AKAP13: variants seen among roughly 807,000 people sequenced by gnomAD.
AKAP13 encodes the protein A-kinase anchor protein 13.
Under a neutral mutation model 264.5 loss-of-function variants are expected in AKAP13, and 80 were observed. That is an observed-to-expected ratio of 0.30 (90% CI 0.25 to 0.36). The LOEUF is 0.36. Ranked by LOEUF, AKAP13 falls within the 10% of genes least tolerant of loss-of-function variation. The probability of loss-of-function intolerance (pLI) is 1.00; values close to 1 mark genes in which losing one functional copy is unlikely to be tolerated. For synonymous variants in AKAP13, 1,380 were observed against 1,250.2 expected, an observed-to-expected ratio of 1.10 and a Z score of -2.19; for missense variants, 3,712 against 3,435.2, an observed-to-expected ratio of 1.08 and a Z score of -2.01.
intron 1 of AKAP13, among the ~76,000 whole-genome samples, chr15:85,450,693 A>G (rs1317090385): frequency 1.3e-5 from 2 of 151,524 alleles, no homozygotes; most frequent in Non-Finnish European, 2.9e-5. Context: ...GTTGACTCCT[A>G]TTTTCATTGC....
At chr15:85,429,781 C>T (rs1304908654) in intron 1 of AKAP13, among the ~76,000 whole-genome samples, 3 of 152,120 alleles carry the variant, frequency 2.0e-5, no homozygotes, top group African/African-American at 2.4e-5. Context: ...TGTAGGGTGG[C>T]GCAGGAATCT....
intron 1 of AKAP13, among the ~76,000 whole-genome samples, chr15:85,476,617 C>G (rs2075172583): frequency 6.6e-6 from 1 of 152,170 alleles, no homozygotes. Flanking sequence ...AGTTAAGTAA[C>G]TTGTCCAAGG....
rs143346368 is a variant in AKAP13, at chr15:85,382,718, C to T, written c.-12+1920C>T. ...CATACTATACTATAAATGGACTCCT[C>T]CTCTAGTCCTTTAACTCCTTGAGGG... On this transcript the variant is annotated intron_variant, in intron 1 of 36. Coordinates refer to ENST00000394518, the MANE Select transcript of AKAP13 (RefSeq NM_007200.5). Among the ~76,000 whole-genome samples the T allele has an allele frequency of 2.0e-5, 3 of 152,306 alleles. No individual in the cohort carries two copies. The East Asian group carries it at 5.8e-4, about 29-fold the overall frequency.
At chr15:85,553,428 A>G (rs1415163498) in intron 5 of AKAP13, among the ~76,000 whole-genome samples, 1 of 152,178 alleles carries the variant, frequency 6.6e-6, no homozygotes, top group East Asian at 1.9e-4. Context: ...TTTAATAAAT[A>G]TTTGTTGGCT....
intron 8 of AKAP13, among the ~76,000 whole-genome samples, chr15:85,631,578 G>A (rs1431791098): frequency 6.6e-6 from 1 of 151,052 alleles, no homozygotes; most frequent in Non-Finnish European, 1.5e-5. Context: ...TGATTTGGAT[G>A]GGATCCTGGA....
At chr15:85,703,860 A>ATC (rs1567204290) in intron 17 of AKAP13, among the ~76,000 whole-genome samples, 1 of 148,150 alleles carries the variant, frequency 6.7e-6, no homozygotes, top group African/African-American at 2.5e-5. Context: ...AAAAATATAT[A>ATC]TATATATATA....
At position 85,674,391 on chromosome 15, in the gene AKAP13, G is replaced by A. The variant is rs143140274; in HGVS notation, c.5101+4561G>A. On this transcript the variant is annotated intron_variant, in intron 14 of 36. Coordinates refer to ENST00000394518, the MANE Select transcript of AKAP13 (RefSeq NM_007200.5). ...AAACAAATGAATTTCATGTTCAGAT[G>A]TGGTTCCCTTCCCCAAGATGTCTCA... Among the ~76,000 whole-genome samples, 941 of 152,260 alleles carry A rather than the reference G, an allele frequency of 6.2e-3. 10 individuals are homozygous for A. Among genetic ancestry groups the A allele is most frequent in the African/African-American group, 0.021 (884 of 41,542 alleles).
At chr15:85,418,939 T>C (rs545279404) in intron 1 of AKAP13, among the ~76,000 whole-genome samples, 1 of 152,348 alleles carries the variant, frequency 6.6e-6, no homozygotes, top group African/African-American at 2.4e-5. Context: ...AGTCTGCTTA[T>C]AGTACCTGCT....
intron 36 of AKAP13, chr15:85,744,038 A>C (rs2089258979): frequency 5.2e-6 from 3 of 579,376 alleles, no homozygotes; most frequent in South Asian, 2.4e-5. Context: ...AGAAGCAGAG[A>C]GCATGGGTTT....
chr15:85,721,418 A>G (rs1022657338), intron 23 of AKAP13, among the ~76,000 whole-genome samples: 1 of 152,186 alleles, frequency 6.6e-6, no homozygotes. Context: ...GTATTTTATG[A>G]ACTGCATACA....
chr15:85,451,975 C>T (rs1567064110), intron 1 of AKAP13, among the ~76,000 whole-genome samples: 1 of 151,666 alleles, frequency 6.6e-6, no homozygotes, highest in African/African-American at 2.4e-5. Context: ...AAGTTGTTGG[C>T]GTTCTCCCCT....
intron 8 of AKAP13, among the ~76,000 whole-genome samples, chr15:85,594,046 T>C (rs543907964): frequency 2.0e-5 from 3 of 152,348 alleles, no homozygotes; most frequent in South Asian, 2.1e-4. Context: ...GCAATAGATA[T>C]AATTCTAATC....
intron 1 of AKAP13, among the ~76,000 whole-genome samples, chr15:85,441,704 G>A (rs2073659808): frequency 6.6e-6 from 1 of 151,744 alleles, no homozygotes; most frequent in Admixed American, 6.6e-5. Context: ...TAGGGTATAA[G>A]TTCATTTTTT....
chr15:85,424,187 G>C (rs913347751), intron 1 of AKAP13, among the ~76,000 whole-genome samples: 5 of 152,204 alleles, frequency 3.3e-5, no homozygotes, highest in Admixed American at 1.3e-4. Context: ...TTGAAGCCAG[G>C]CTTTGACTTT....
At chr15:85,640,270 A>C (rs1398555717) in intron 9 of AKAP13, among the ~76,000 whole-genome samples, 1 of 152,128 alleles carries the variant, frequency 6.6e-6, no homozygotes, top group African/African-American at 2.4e-5. Flanking sequence ...GAATACTAGT[A>C]ATTTGCATTC....
At chr15:85,383,723 CTT>C (rs2070408739) in intron 1 of AKAP13, among the ~76,000 whole-genome samples, 1 of 152,268 alleles carries the variant, frequency 6.6e-6, no homozygotes, top group South Asian at 2.1e-4. Flanking sequence ...GGGTAGAGCT[CTT>C]TGTGACTATG....
rs776032737 is a variant in AKAP13, at chr15:85,585,698, T to C, written c.4040-4T>C. The C allele has an allele frequency of 5.6e-6, 9 of 1,614,128 alleles. No homozygotes were observed. In the Middle Eastern group the frequency reaches 4.9e-4, roughly 89 times the overall value. ...TGTACTCTGTAACCCCCCTGCACTTTCAGAAATGCCAGACGTGAAAGCTGA... is the reference window on the plus strand; with the variant it reads ...TGTACTCTGTAACCCCCCTGCACTTCCAGAAATGCCAGACGTGAAAGCTGA... On this transcript the variant is annotated splice_region_variant and splice_polypyrimidine_tract_variant and intron_variant, in intron 7 of 36. Transcript: ENST00000394518.
intron 8 of AKAP13, among the ~76,000 whole-genome samples, chr15:85,622,171 G>A (rs912327199): frequency 1.3e-5 from 2 of 152,168 alleles, no homozygotes; most frequent in Admixed American, 6.5e-5. Flanking sequence ...AATAAATAGA[G>A]AAATAAATAA....
intron 1 of AKAP13, chr15:85,415,711 G>A (rs1283846848): frequency 2.0e-5 from 14 of 685,372 alleles, no homozygotes; most frequent in South Asian, 7.8e-5. Flanking sequence ...TCTCCATACC[G>A]TTTCTTTTTT....
Sources: gnomAD v4.1 joint callset for allele counts (sites outside exome capture counted in the v4.1 genomes callset) on GRCh38, gnomAD v4.1.1 for gene constraint, MANE v1.5 for transcripts, NCBI Gene and HGNC (gene_info 2026-07-23, HGNC 2026-07-21) for gene names.